The following ZNF469 variants were observed in gnomAD, a reference collection of about 807,000 sequenced individuals.
ZNF469 encodes the protein zinc finger protein 469.
Under a neutral mutation model 1.0 loss-of-function variants are expected in ZNF469, and 1 was observed. That is an observed-to-expected ratio of 1.00 (90% CI 0.35 to 4.73). The LOEUF (loss-of-function observed/expected upper bound fraction) is 4.73, where lower values mean the gene tolerates loss of function less well. Ranked by LOEUF, ZNF469 falls within the 30% of genes most tolerant of loss-of-function variation. The pLI is 0.16. For missense variants in ZNF469, 6,100 were observed against 5,356.3 expected (o/e 1.14, Z -4.33); for synonymous variants, 2,703 against 2,363.4 (o/e 1.14, Z -4.17).
intron 1 of ZNF469, among the ~76,000 whole-genome samples, chr16:88,390,652 G>C (rs1283115288): frequency 2.0e-5 from 3 of 152,208 alleles, no homozygotes; most frequent in Non-Finnish European, 4.4e-5. Context: ...ATGCCGCCGG[G>C]CACTGCCCCA....
At chr16:88,384,209 G>A (rs1424291269) in intron 1 of ZNF469, among the ~76,000 whole-genome samples, 2 of 152,350 alleles carry the variant, frequency 1.3e-5, no homozygotes, top group East Asian at 3.9e-4. Context: ...CTGATGGTCA[G>A]AGTGGGCTGA....
the ZNF469 span, among the ~76,000 whole-genome samples, chr16:88,217,550 C>T: frequency 7.0e-6 from 1 of 143,876 alleles, no homozygotes; most frequent in Non-Finnish European, 1.5e-5. Flanking sequence ...ACTAACTCGT[C>T]ATCTAGCATT....
At chr16:88,338,497 G>T in the ZNF469 span, among the ~76,000 whole-genome samples, 2 of 152,136 alleles carry the variant, frequency 1.3e-5, no homozygotes, top group East Asian at 3.9e-4. Flanking sequence ...CCCCGCACAA[G>T]TATTGGGCCG....
chr16:88,431,070 G>C lies in ZNF469; in HGVS notation c.3600G>C (p.Lys1200Asn). Residue 1200 changes from lysine (K) to asparagine (N), a missense_variant, in exon 3 of 3, where the codon AAG (lysine) becomes AAC (asparagine). Coordinates refer to ENST00000565624, the MANE Select transcript of ZNF469 (RefSeq NM_001367624.2). The part of the protein sequence containing the change: ...KCADRPSVAP[K>N]DPLQVPTNTE... ...CTGATCGCCCCTCAGTGGCCCCCAA[G>C]GATCCCCTGCAGGTCCCCACCAACA... 6.5e-7 allele frequency: 1 copy of C among 1,549,592 alleles called. No individual in the cohort carries two copies.
the ZNF469 span, among the ~76,000 whole-genome samples, chr16:88,313,035 AT>A: frequency 1.3e-5 from 2 of 152,120 alleles, no homozygotes; most frequent in African/African-American, 4.8e-5. Flanking sequence ...TAACTGACAT[AT>A]TTGTTATTAT....
the ZNF469 span, among the ~76,000 whole-genome samples, chr16:88,110,846 G>A: frequency 1.3e-5 from 2 of 152,264 alleles, no homozygotes; most frequent in African/African-American, 2.4e-5. Flanking sequence ...CAGCTCAGCC[G>A]GGTGTAGCCT....
chr16:88,433,852 G>T lies in ZNF469; in HGVS notation c.6382G>T (p.Gly2128Trp). The T allele has an allele frequency of 3.2e-6, 5 of 1,549,594 alleles. No individual in the cohort carries two copies. The highest frequency in any genetic ancestry group is 4.4e-6 in the Non-Finnish European group (5 of 1,146,626). The change falls in exon 3 of 3, where the codon GGG (glycine) becomes TGG (tryptophan). Residue 2128 changes from glycine to tryptophan, a missense_variant. Gly to Trp is a radical substitution (Grantham distance 184). Transcript: ENST00000565624. ...TSAAHMPCSL[G>W]PLPREDPLTS... ...AGCCGCCCACATGCCCTGCAGCCTT[G>T]GGCCCCTGCCCCGTGAAGACCCACT...
the ZNF469 span, among the ~76,000 whole-genome samples, chr16:88,166,836 A>G: frequency 8.6e-5 from 13 of 151,334 alleles, no homozygotes; most frequent in Admixed American, 8.5e-4. This position sits in a 1 kb window ranked among gnomAD's most constrained non-coding sequence, Gnocchi z 4.5. Flanking sequence ...ATGTAAATAT[A>G]TAAAAATGTT....
At chr16:88,254,581 A>C in the ZNF469 span, among the ~76,000 whole-genome samples, 1 of 152,056 alleles carries the variant, frequency 6.6e-6, no homozygotes, top group Non-Finnish European at 1.5e-5. Context: ...AATATGATGA[A>C]ACCCCGTCTC....
At chr16:88,361,824 C>T in the ZNF469 span, among the ~76,000 whole-genome samples, 1 of 152,200 alleles carries the variant, frequency 6.6e-6, no homozygotes, top group Non-Finnish European at 1.5e-5. Context: ...TTCTTTTAAG[C>T]ATGATCGGTT....
rs1440513536 is a variant in ZNF469 at position 88,437,464 on chromosome 16, T to G, written c.9994T>G (p.Cys3332Gly). The change falls in exon 3 of 3, where the codon TGC becomes GGC. Residue 3332 changes from cysteine to glycine, a missense_variant. Coordinates refer to ENST00000565624, the MANE Select transcript of ZNF469 (RefSeq NM_001367624.2). ...GCAAGCCACCCCGGTGCACGAGGCCTGCAAGGACCCCTCCCGCGACTGCCA... is the reference window on the plus strand; with the variant it reads ...GCAAGCCACCCCGGTGCACGAGGCCGGCAAGGACCCCTCCCGCGACTGCCA... ...LLQATPVHEACKDPSRDCHHC... is the reference protein window; with the variant it reads ...LLQATPVHEAGKDPSRDCHHC... 2.7e-5 allele frequency: 42 copies of G among 1,533,022 alleles called. No individual in the cohort carries two copies. The highest frequency in any genetic ancestry group is 3.7e-5 in the Non-Finnish European group (42 of 1,136,188). The allele number at this position is 1,533,022 out of a possible 1,614,324, so 95.0% of individuals were successfully genotyped here.
At chr16:88,112,731 G>T in the ZNF469 span, among the ~76,000 whole-genome samples, 6 of 149,786 alleles carry the variant, frequency 4.0e-5, no homozygotes, top group African/African-American at 1.5e-4. Flanking sequence ...ATTCTGTGGG[G>T]TGTCTCTTCA....
At chr16:88,296,704 C>G in the ZNF469 span, among the ~76,000 whole-genome samples, 2 of 151,734 alleles carry the variant, frequency 1.3e-5, no homozygotes, top group African/African-American at 2.4e-5. Context: ...ATGTGCAGAC[C>G]CATGCTCTCA....
At chr16:88,256,910 CTT>C in the ZNF469 span, among the ~76,000 whole-genome samples, 1 of 7,534 alleles carries the variant, frequency 1.3e-4, no homozygotes, top group African/African-American at 3.3e-4. Flanking sequence ...TTCTTTCTTT[CTT>C]TCTTTCTTTC....
chr16:88,343,104 G>A, the ZNF469 span, among the ~76,000 whole-genome samples: 8 of 152,190 alleles, frequency 5.3e-5, no homozygotes, highest in Non-Finnish European at 1.0e-4. Flanking sequence ...GCAAAGCAGC[G>A]GGAACATAGC....
rs186415854 is a variant in ZNF469, at chr16:88,415,991, C to A, written c.-191-8816C>A. ...ACCCCATCCCCACCCAGCTCCCACC[C>A]CGGGCACTTCACTAATCCTCTCGTC... On this transcript the variant is annotated intron_variant, in intron 1 of 2. Transcript: ENST00000565624. Among the ~76,000 whole-genome samples, 313 of 152,352 alleles carry A rather than the reference C, an allele frequency of 2.1e-3. 2 individuals are homozygous for A. Among genetic ancestry groups the A allele is most frequent in the African/African-American group, 7.2e-3 (298 of 41,584 alleles).
chr16:88,276,101 G>C, the ZNF469 span, among the ~76,000 whole-genome samples: 12 of 152,206 alleles, frequency 7.9e-5, no homozygotes, highest in Admixed American at 7.2e-4. Context: ...CTGGGGCACA[G>C]TGCAACGACC....
intron 1 of ZNF469, among the ~76,000 whole-genome samples, chr16:88,403,189 G>A (rs56245809): frequency 0.1 from 15,363 of 152,244 alleles, 1,184 homozygotes; most frequent in African/African-American, 0.22. Context: ...GCTTCTGTCC[G>A]TCCGTTGCCA....
Position 88,439,109 on chromosome 16 carries a change from C to T in ZNF469, c.11639C>T (p.Ala3880Val), listed in dbSNP as rs1469624625. ...PRPPPSEQRK[A>V]EPGHTQRKDR... ...CCGCCACCATCAGAGCAGCGGAAGGCAGAGCCGGGCCACACACAGAGGAAG... is the reference window on the plus strand; with the variant it reads ...CCGCCACCATCAGAGCAGCGGAAGGTAGAGCCGGGCCACACACAGAGGAAG... The change falls in exon 3 of 3, where the codon GCA becomes GTA. Residue 3880 changes from alanine to valine, a missense_variant. Ala to Val is a moderately conservative substitution (Grantham distance 64, BLOSUM62 0). Coordinates refer to ENST00000565624, the MANE Select transcript of ZNF469 (RefSeq NM_001367624.2). The T allele has an allele frequency of 5.2e-6, 8 of 1,550,856 alleles. No individual in the cohort carries two copies. In the Admixed American group the frequency reaches 1.6e-4, roughly 30 times the overall value.
Sources: allele counts gnomAD v4.1 joint callset (sites outside exome capture counted in the v4.1 genomes callset), GRCh38; gene constraint gnomAD v4.1.1; non-coding constraint Gnocchi (gnomAD v3.1); transcripts MANE v1.5; gene names NCBI Gene and HGNC (gene_info 2026-07-23, HGNC 2026-07-21).